The following SRGAP3 variants were observed in gnomAD, a reference collection of about 807,000 sequenced individuals.
SRGAP3 encodes the protein SLIT-ROBO Rho GTPase-activating protein 3.
Under a neutral mutation model 121.1 loss-of-function variants are expected in SRGAP3, and 39 were observed. The ratio of observed to expected loss-of-function variants is 0.32; its 90% confidence interval spans 0.25 to 0.42. The LOEUF (loss-of-function observed/expected upper bound fraction) is 0.42. SRGAP3 is among the 10% of genes least tolerant of loss of function. The pLI is 1.00. For missense variants in SRGAP3, 1,213 were observed against 1,470.6 expected (o/e 0.82, Z 2.86); for synonymous variants, 601 against 570.0 (o/e 1.05, Z -0.77).
intron 10 of SRGAP3, among the ~76,000 whole-genome samples, chr3:9,038,413 T>C (rs949442834): frequency 6.6e-6 from 1 of 152,240 alleles, no homozygotes; most frequent in Admixed American, 6.5e-5. Flanking sequence ...GGCTGTCTCA[T>C]GGGTCTTCTG....
intron 3 of SRGAP3, among the ~76,000 whole-genome samples, chr3:9,269,796 T>C (rs1454518130): frequency 3.3e-5 from 5 of 152,072 alleles, no homozygotes; most frequent in Admixed American, 3.3e-4. Flanking sequence ...AATTAACTCA[T>C]TACCTGTCAT....
intron 1 of SRGAP3, among the ~76,000 whole-genome samples, chr3:9,246,071 C>A (rs1224408427): frequency 6.6e-6 from 1 of 152,270 alleles, no homozygotes; most frequent in African/African-American, 2.4e-5. Context: ...CTTCAAGTAT[C>A]TGATGAGGCA....
At chr3:9,136,645 T>G (rs573740879) in intron 1 of SRGAP3, among the ~76,000 whole-genome samples, 1 of 152,288 alleles carries the variant, frequency 6.6e-6, no homozygotes, top group South Asian at 2.1e-4. Context: ...AATACCACGT[T>G]AGAGGAGGCA....
chr3:9,258,362 A>C (rs1954180172), intron 3 of SRGAP3, among the ~76,000 whole-genome samples: 1 of 152,188 alleles, frequency 6.6e-6, no homozygotes, highest in African/African-American at 2.4e-5. Context: ...GCAGAGTGCC[A>C]GGCAGAGAGT....
chr3:9,149,094 A>G (rs886700862), intron 1 of SRGAP3, among the ~76,000 whole-genome samples: 4 of 151,850 alleles, frequency 2.6e-5, no homozygotes, highest in African/African-American at 9.7e-5. Context: ...GGCGCCTGTA[A>G]TCCCAGCTAC....
chr3:9,043,099 C>T (rs1471548172), intron 10 of SRGAP3, among the ~76,000 whole-genome samples: 1 of 152,124 alleles, frequency 6.6e-6, no homozygotes, highest in African/African-American at 2.4e-5. Context: ...CACCATTGTT[C>T]TCTATCTCAG....
intron 4 of SRGAP3, among the ~76,000 whole-genome samples, chr3:9,077,971 C>T (rs563198500): frequency 6.6e-6 from 1 of 152,316 alleles, no homozygotes; most frequent in African/African-American, 2.4e-5. Context: ...ACCTGACTCC[C>T]AGGGAGTTTA....
At chr3:9,158,005 C>T (rs1950477645) in intron 1 of SRGAP3, among the ~76,000 whole-genome samples, 1 of 152,190 alleles carries the variant, frequency 6.6e-6, no homozygotes, top group Non-Finnish European at 1.5e-5. Flanking sequence ...CTCTGAAAGT[C>T]CACCTAAAAT....
At chr3:9,016,468 C>T (rs763356399) in intron 14 of SRGAP3, among the ~76,000 whole-genome samples, 2 of 152,218 alleles carry the variant, frequency 1.3e-5, no homozygotes, top group Non-Finnish European at 2.9e-5. Context: ...AAGAACACTA[C>T]ATGGGTGATG....
At chr3:9,225,921 C>G (rs73021212) in intron 1 of SRGAP3, among the ~76,000 whole-genome samples, 2,540 of 152,308 alleles carry the variant, frequency 0.017, 34 homozygotes, top group Non-Finnish European at 0.028. Flanking sequence ...GCTGGGAAGT[C>G]CATATTTTAT....
intron 11 of SRGAP3, among the ~76,000 whole-genome samples, chr3:9,033,112 C>T (rs1314302945): frequency 3.9e-5 from 6 of 152,092 alleles, no homozygotes; most frequent in Non-Finnish European, 5.9e-5. Flanking sequence ...ATCTGTAGCC[C>T]GAGAAAGCAA....
chr3:9,044,724 T>G (rs1326435757), intron 10 of SRGAP3, among the ~76,000 whole-genome samples: 1 of 152,194 alleles, frequency 6.6e-6, no homozygotes, highest in Non-Finnish European at 1.5e-5. Context: ...AGAATCCTAC[T>G]GAATAGAAGA....
At chr3:8,987,673 C>T (rs1440756266) in intron 21 of SRGAP3, among the ~76,000 whole-genome samples, 1 of 123,154 alleles carries the variant, frequency 8.1e-6, no homozygotes, top group Non-Finnish European at 1.5e-5. Context: ...TGGCTAATGG[C>T]TAATATTAGC....
intron 1 of SRGAP3, among the ~76,000 whole-genome samples, chr3:9,130,656 T>A (rs967434983): frequency 1.3e-5 from 2 of 152,226 alleles, no homozygotes. Flanking sequence ...CTGCATTCCA[T>A]GAATTATCCT....
intron 1 of SRGAP3, among the ~76,000 whole-genome samples, chr3:9,203,898 C>T (rs1309748504): frequency 1.3e-5 from 2 of 152,186 alleles, no homozygotes; most frequent in Non-Finnish European, 2.9e-5. Context: ...GGGCAGGAAC[C>T]ATTTTCCCTG....
At chr3:9,316,923 C>A (rs1319131375) in intron 3 of SRGAP3, among the ~76,000 whole-genome samples, 1 of 152,114 alleles carries the variant, frequency 6.6e-6, no homozygotes, top group Non-Finnish European at 1.5e-5. Context: ...GACTTCCCTG[C>A]ATTTCAAAGC....
rs1005760075 is a variant in SRGAP3, at chr3:9,282,677, G to T, written n.442+43333C>A. On this transcript the variant is annotated intron_variant and non_coding_transcript_variant, in intron 3 of 3. Coordinates refer to the SRGAP3 transcript ENST00000490889. ...GGCTAATTTTTGTATTTTTAGTAGA[G>T]ACAGGGTTTGGCCAAGCTGGTCTCG... is the stretch of plus-strand genomic sequence containing the variant. Among the ~76,000 whole-genome samples the T allele has an allele frequency of 1.6e-4, 24 of 151,838 alleles. No homozygotes were observed. In the East Asian group the frequency reaches 2.1e-3, roughly 13 times the overall value.
intron 3 of SRGAP3, among the ~76,000 whole-genome samples, chr3:9,098,125 C>T (rs1178178662): frequency 6.6e-6 from 1 of 152,150 alleles, no homozygotes; most frequent in African/African-American, 2.4e-5. Flanking sequence ...GAAGTTCTCC[C>T]TCTGAACAAA....
chr3:9,190,156 C>T (rs190719808), intron 1 of SRGAP3, among the ~76,000 whole-genome samples: 1 of 152,194 alleles, frequency 6.6e-6, no homozygotes, highest in Non-Finnish European at 1.5e-5. Flanking sequence ...TAGAAACATC[C>T]TCACACAATC....
Sources: gnomAD v4.1 joint callset for allele counts (sites outside exome capture counted in the v4.1 genomes callset) on GRCh38, gnomAD v4.1.1 for gene constraint, MANE v1.5 for transcripts, NCBI Gene and HGNC (gene_info 2026-07-23, HGNC 2026-07-21) for gene names.